CHST9: variants seen among roughly 807,000 people sequenced by gnomAD.
CHST9 encodes the protein GalNAc-4-sulfotransferase 2.
In CHST9, 41 loss-of-function variants were observed where a neutral mutation model predicts 44.4. The ratio of observed to expected loss-of-function variants is 0.92; its 90% confidence interval spans 0.72 to 1.20. The LOEUF is 1.20. Among genes scored for constraint, CHST9 ranks in the 50% most tolerant of loss-of-function variants. CHST9 has a pLI of 0.00. For missense variants in CHST9, 504 were observed against 516.5 expected (o/e 0.98, Z 0.23); for synonymous variants, 171 against 178.4 (o/e 0.96, Z 0.33).
chr18:26,998,906 T>A (rs968280417), intron 4 of CHST9, among the ~76,000 whole-genome samples: 2 of 152,192 alleles, frequency 1.3e-5, no homozygotes, highest in Non-Finnish European at 2.9e-5. Context: ...CCACGCTCTT[T>A]CCCTCAGGGG....
intron 5 of CHST9, among the ~76,000 whole-genome samples, chr18:26,941,282 C>T (rs1025924523): frequency 6.6e-6 from 1 of 152,116 alleles, no homozygotes; most frequent in African/African-American, 2.4e-5. Flanking sequence ...GAAACAGAGC[C>T]TCATATTCGG....
At chr18:26,932,156 A>G (rs1236556944) in intron 5 of CHST9, among the ~76,000 whole-genome samples, 2 of 152,200 alleles carry the variant, frequency 1.3e-5, no homozygotes, top group Non-Finnish European at 2.9e-5. Context: ...TTGGGTACCA[A>G]GAAGCTCTAC....
chr18:27,153,083 C>A, intron 1 of CHST9, among the ~76,000 whole-genome samples: 1 of 152,068 alleles, frequency 6.6e-6, no homozygotes, highest in East Asian at 1.9e-4. Context: ...GAAGTGGGTG[C>A]TGTGTTGCTG....
chr18:27,162,484 A>T (rs2058755416), intron 1 of CHST9, among the ~76,000 whole-genome samples: 1 of 152,176 alleles, frequency 6.6e-6, no homozygotes, highest in South Asian at 2.1e-4. Context: ...ATCCGCTGTT[A>T]GTCTGATGGG....
At chr18:27,107,970 G>T (rs2058236518) in intron 2 of CHST9, among the ~76,000 whole-genome samples, 1 of 152,112 alleles carries the variant, frequency 6.6e-6, no homozygotes, top group Non-Finnish European at 1.5e-5. Context: ...CTCAGGGCTT[G>T]TTTCTCTTGG....
chr18:27,036,800 G>A (rs562137027), intron 3 of CHST9, among the ~76,000 whole-genome samples: 2 of 152,148 alleles, frequency 1.3e-5, no homozygotes, highest in Non-Finnish European at 2.9e-5. Context: ...TGGTAAGAAC[G>A]CAACATGAGA....
intron 2 of CHST9, among the ~76,000 whole-genome samples, chr18:27,121,497 T>A (rs2058374031): frequency 6.6e-6 from 1 of 152,172 alleles, no homozygotes; most frequent in Non-Finnish European, 1.5e-5. Flanking sequence ...TCTGTGGGTA[T>A]GGCAGCTGGT....
intron 2 of CHST9, among the ~76,000 whole-genome samples, chr18:27,125,560 AT>A (rs1432613937): frequency 2.0e-5 from 3 of 152,050 alleles, no homozygotes. Flanking sequence ...CCCCTTCTCA[AT>A]TTTTTTAAGA....
chr18:27,097,708 G>A (rs1417781744), intron 2 of CHST9, among the ~76,000 whole-genome samples: 2 of 151,928 alleles, frequency 1.3e-5, no homozygotes, highest in Admixed American at 6.6e-5. Flanking sequence ...GGGTTTTTAT[G>A]GTTTGGGGTT....
intron 2 of CHST9, among the ~76,000 whole-genome samples, chr18:27,078,550 T>C (rs1010888808): frequency 2.6e-5 from 4 of 152,172 alleles, no homozygotes; most frequent in African/African-American, 9.7e-5. Context: ...GTTGTCCTGG[T>C]AGATACTATT....
intron 2 of CHST9, among the ~76,000 whole-genome samples, chr18:27,126,825 C>T (rs1014416727): frequency 7.2e-5 from 11 of 152,064 alleles, no homozygotes; most frequent in Non-Finnish European, 1.0e-4. Flanking sequence ...AGGAAGGCTG[C>T]TTTAGGGGCT....
intron 2 of CHST9, among the ~76,000 whole-genome samples, chr18:27,096,441 C>T (rs958780775): frequency 1.3e-5 from 2 of 151,312 alleles, no homozygotes; most frequent in African/African-American, 4.9e-5. Context: ...TTGGAGTGGA[C>T]CTAATGAAAT....
At chr18:26,953,848 C>A (rs1344710724) in intron 4 of CHST9, among the ~76,000 whole-genome samples, 1 of 152,134 alleles carries the variant, frequency 6.6e-6, no homozygotes, top group African/African-American at 2.4e-5. Context: ...ATGACATTGT[C>A]TCTTTCTGTA....
chr18:26,981,688 T>C (rs1467964659), intron 4 of CHST9, among the ~76,000 whole-genome samples: 1 of 152,196 alleles, frequency 6.6e-6, no homozygotes, highest in Non-Finnish European at 1.5e-5. Flanking sequence ...TGCTTTGTAG[T>C]TAACAAAGAC....
intron 2 of CHST9, among the ~76,000 whole-genome samples, chr18:27,066,184 A>G (rs2057780439): frequency 2.0e-5 from 3 of 152,216 alleles, no homozygotes; most frequent in Admixed American, 2.0e-4. Flanking sequence ...CGCAGCTATT[A>G]CTTATTTGCA....
chr18:27,121,775 A>G (rs1421916521), intron 2 of CHST9, among the ~76,000 whole-genome samples: 1 of 152,178 alleles, frequency 6.6e-6, no homozygotes, highest in African/African-American at 2.4e-5. Flanking sequence ...CTCTGGATCT[A>G]GCTATTCTGA....
intron 2 of CHST9, among the ~76,000 whole-genome samples, chr18:27,114,489 A>C (rs1598734600): frequency 6.6e-6 from 1 of 152,208 alleles, no homozygotes; most frequent in African/African-American, 2.4e-5. Context: ...CATACAATTC[A>C]TCCACTAAAA....
At chr18:26,983,335 A>G (rs143665734) in intron 4 of CHST9, among the ~76,000 whole-genome samples, 2 of 152,262 alleles carry the variant, frequency 1.3e-5, no homozygotes, top group African/African-American at 4.8e-5. Context: ...GGACCTGTTG[A>G]GAGGAATTTG....
At chr18:27,165,224 T>A (rs1340219781) in intron 1 of CHST9, among the ~76,000 whole-genome samples, 1 of 152,162 alleles carries the variant, frequency 6.6e-6, no homozygotes, top group African/African-American at 2.4e-5. Context: ...AGAGCTTGCT[T>A]GGATAAGTGA....
Sources: allele counts gnomAD v4.1 joint callset (sites outside exome capture counted in the v4.1 genomes callset), GRCh38; gene constraint gnomAD v4.1.1; transcripts MANE v1.5; gene names NCBI Gene and HGNC (gene_info 2026-07-23, HGNC 2026-07-21).